Variants in TAFA1 observed in about 807,000 individuals in gnomAD.
TAFA1 encodes chemokine-like protein TAFA-1.
A neutral mutation model predicts 18.5 loss-of-function variants in TAFA1; 4 were observed. The ratio of observed to expected loss-of-function variants is 0.22; its 90% confidence interval spans 0.11 to 0.49. TAFA1 has a LOEUF of 0.49. Ranked by LOEUF, TAFA1 falls within the 20% of genes least tolerant of loss-of-function variation. The probability of loss-of-function intolerance (pLI) is 0.98; values close to 1 mark genes in which losing one functional copy is unlikely to be tolerated. For missense variants in TAFA1, 147 were observed against 169.0 expected (o/e 0.87, Z 0.72); for synonymous variants, 56 against 55.2 (o/e 1.01, Z -0.06).
At chr3:68,424,496 A>G (rs1486251811) in intron 3 of TAFA1, among the ~76,000 whole-genome samples, 1 of 151,976 alleles carries the variant, frequency 6.6e-6, no homozygotes, top group Non-Finnish European at 1.5e-5. Flanking sequence ...ATGTAACTTT[A>G]ATTTTTTTTT....
chr3:68,406,336 G>A (rs1359151992), intron 2 of TAFA1, among the ~76,000 whole-genome samples: 2 of 152,100 alleles, frequency 1.3e-5, no homozygotes, highest in Non-Finnish European at 1.5e-5. Context: ...CTGGTTCAAT[G>A]GTCTTGGTTT....
intron 2 of TAFA1, among the ~76,000 whole-genome samples, chr3:68,336,072 G>T (rs1559622814): frequency 2.0e-5 from 3 of 152,206 alleles, no homozygotes; most frequent in Non-Finnish European, 4.4e-5. Context: ...ACTTTTGCCA[G>T]CTGTGTGGTG....
intron 3 of TAFA1, among the ~76,000 whole-genome samples, chr3:68,500,682 A>T (rs528707468): frequency 6.8e-6 from 1 of 147,208 alleles, no homozygotes; most frequent in African/African-American, 2.6e-5. Context: ...ACAAGGCTGA[A>T]ATATTTATTA....
At chr3:68,320,043 A>G (rs1010696679) in intron 2 of TAFA1, among the ~76,000 whole-genome samples, 3 of 152,212 alleles carry the variant, frequency 2.0e-5, no homozygotes, top group Non-Finnish European at 2.9e-5. Flanking sequence ...GTATGTTTAC[A>G]TATATATGGA....
At chr3:68,175,350 A>G (rs577652239) in intron 2 of TAFA1, among the ~76,000 whole-genome samples, 33 of 152,302 alleles carry the variant, frequency 2.2e-4, no homozygotes, top group Admixed American at 7.2e-4. Flanking sequence ...CTTGCACCAT[A>G]TACCTGGAAA....
At chr3:68,241,408 G>A (rs1270652626) in intron 2 of TAFA1, among the ~76,000 whole-genome samples, 4 of 152,078 alleles carry the variant, frequency 2.6e-5, no homozygotes, top group African/African-American at 9.7e-5. Flanking sequence ...ATTTCCACAG[G>A]AGACTCAACA....
chr3:68,335,117 A>T (rs1486533909), intron 2 of TAFA1, among the ~76,000 whole-genome samples: 1 of 152,206 alleles, frequency 6.6e-6, no homozygotes, highest in African/African-American at 2.4e-5. Context: ...TGTTTGCATT[A>T]TGGCTTTTGT....
At chr3:68,155,316 C>G (rs2065854432) in intron 2 of TAFA1, among the ~76,000 whole-genome samples, 1 of 152,154 alleles carries the variant, frequency 6.6e-6, no homozygotes, top group African/African-American at 2.4e-5. Flanking sequence ...AACTGTGCAG[C>G]CTTAGCAGAC....
intron 3 of TAFA1, among the ~76,000 whole-genome samples, chr3:68,535,845 G>A (rs975177032): frequency 6.6e-6 from 1 of 151,838 alleles, no homozygotes; most frequent in Non-Finnish European, 1.5e-5. Context: ...GGGGATGGGG[G>A]AAAGTTTTTG....
At chr3:68,342,848 C>T (rs1559625642) in intron 2 of TAFA1, among the ~76,000 whole-genome samples, 1 of 152,182 alleles carries the variant, frequency 6.6e-6, no homozygotes, top group African/African-American at 2.4e-5. Context: ...CTGCTGCTAC[C>T]TTGTAATCTG....
chr3:68,287,911 G>GGT (rs2068041241), intron 2 of TAFA1, among the ~76,000 whole-genome samples: 1 of 132,912 alleles, frequency 7.5e-6, no homozygotes, highest in Non-Finnish European at 1.6e-5. Context: ...TTTTGTTGGG[G>GGT]GGTGGGGGGG....
chr3:68,064,388 A>C (rs1371240366), intron 2 of TAFA1, among the ~76,000 whole-genome samples: 1 of 152,222 alleles, frequency 6.6e-6, no homozygotes, highest in Non-Finnish European at 1.5e-5. Context: ...ACTGGCTGTG[A>C]CCAAATTAGT....
intron 2 of TAFA1, among the ~76,000 whole-genome samples, chr3:68,101,537 C>A (rs1331923325): frequency 6.6e-6 from 1 of 152,026 alleles, no homozygotes. Flanking sequence ...TTTGTAGGGA[C>A]ATGGATGAAG....
intron 2 of TAFA1, among the ~76,000 whole-genome samples, chr3:68,364,843 T>A (rs1249913374): frequency 6.6e-6 from 1 of 152,222 alleles, no homozygotes; most frequent in Non-Finnish European, 1.5e-5. Context: ...ATATTATTTT[T>A]ATCCTCATTT....
intron 2 of TAFA1, among the ~76,000 whole-genome samples, chr3:68,080,544 A>G (rs537408559): frequency 6.6e-6 from 1 of 152,148 alleles, no homozygotes; most frequent in South Asian, 2.1e-4. Context: ...GCTTGTCTGT[A>G]AAGTATTTTA....
At chr3:68,539,864 A>G (rs758002821) in intron 4 of TAFA1, among the ~76,000 whole-genome samples, 32 of 152,028 alleles carry the variant, frequency 2.1e-4, no homozygotes, top group Non-Finnish European at 4.0e-4. Flanking sequence ...GCCTCAAGCT[A>G]TCTTCCTGCT....
intron 2 of TAFA1, among the ~76,000 whole-genome samples, chr3:68,129,849 T>C (rs2065516491): frequency 6.6e-6 from 1 of 152,178 alleles, no homozygotes; most frequent in African/African-American, 2.4e-5. Flanking sequence ...GTTTGAGAAA[T>C]ATAGCAGACT....
At chr3:68,127,119 G>C (rs950104255) in intron 2 of TAFA1, among the ~76,000 whole-genome samples, 4 of 152,128 alleles carry the variant, frequency 2.6e-5, no homozygotes, top group Non-Finnish European at 5.9e-5. Flanking sequence ...GCTGACTTTT[G>C]ACTCAATCAG....
chr3:68,072,310 G>A (rs948234110), intron 2 of TAFA1, among the ~76,000 whole-genome samples: 1 of 152,128 alleles, frequency 6.6e-6, no homozygotes, highest in African/African-American at 2.4e-5. Flanking sequence ...GCTTGAGTGT[G>A]AAGTACGGGA....
Sources: gnomAD v4.1 joint callset for allele counts (sites outside exome capture counted in the v4.1 genomes callset) on GRCh38, gnomAD v4.1.1 for gene constraint, MANE v1.5 for transcripts, NCBI Gene and HGNC (gene_info 2026-07-23, HGNC 2026-07-21) for gene names.